The following ELFN2 variants were observed in gnomAD, a reference collection of about 807,000 sequenced individuals.
ELFN2 encodes the protein protein phosphatase 1 regulatory subunit 29.
A neutral mutation model predicts 45.5 loss-of-function variants in ELFN2; 17 were observed. That is an observed-to-expected ratio of 0.37 (90% confidence interval 0.26 to 0.56). The LOEUF (loss-of-function observed/expected upper bound fraction) is 0.56, where lower values mean the gene tolerates loss of function less well. ELFN2 is among the 20% of genes least tolerant of loss of function. ELFN2 has a pLI of 0.77. For synonymous variants in ELFN2, 550 were observed against 551.5 expected (o/e 1.00, Z 0.04); for missense variants, 922 against 1,183.2 (o/e 0.78, Z 3.24).
In ELFN2 at chr22:37,372,946, G is replaced by A. The variant is rs1193998594; in HGVS notation, c.*126C>T. On this transcript the variant is annotated 3_prime_UTR_variant, in exon 3 of 3. Coordinates refer to ENST00000402918, the MANE Select transcript of ELFN2 (RefSeq NM_052906.5). This position sits in a 1 kb window ranked among gnomAD's most constrained non-coding sequence, Gnocchi z 4.4. ...TGTGTGTGTGCGTGCGTGCGTGCGG[G>A]TCTGCATGTGCGTCCTCTCCTGGGC... is the stretch of plus-strand genomic sequence containing the variant. 4.7e-6 allele frequency: 5 copies of A among 1,072,538 alleles called. No homozygotes were observed. Among genetic ancestry groups the A allele is most frequent in the Middle Eastern group, 3.0e-4 (1 of 3,366 alleles). 66.4% of individuals were successfully genotyped at this position (1,072,538 alleles called of 1,614,324 possible).
At chr22:37,358,137 G>A (rs1930994110) in intron 1 of ELFN2, among the ~76,000 whole-genome samples, 1 of 152,092 alleles carries the variant, frequency 6.6e-6, no homozygotes, top group Non-Finnish European at 1.5e-5. Flanking sequence ...GCCAGTACGG[G>A]AGAGCACAGA....
intron 1 of ELFN2, chr22:37,352,228 C>T (rs1027766338): frequency 6.6e-6 from 1 of 150,958 alleles, no homozygotes; most frequent in Admixed American, 6.6e-5. Flanking sequence ...TACTCTTCAC[C>T]CAGGTACTAA....
chr22:37,398,477 C>T (rs1932277298), intron 2 of ELFN2, among the ~76,000 whole-genome samples: 1 of 152,068 alleles, frequency 6.6e-6, no homozygotes, highest in Non-Finnish European at 1.5e-5. Context: ...CTGTCCGGCC[C>T]CTTCCCCCTA....
chr22:37,366,643 CA>C (rs1931213198), downstream of ELFN2, among the ~76,000 whole-genome samples: 1 of 152,244 alleles, frequency 6.6e-6, no homozygotes, highest in Non-Finnish European at 1.5e-5. Context: ...CCTGAGGGGA[CA>C]GAGCCTGTCA....
chr22:37,406,208 G>A (rs574601184), intron 2 of ELFN2, among the ~76,000 whole-genome samples: 63 of 152,272 alleles, frequency 4.1e-4, no homozygotes, highest in Middle Eastern at 3.4e-3. Context: ...CCATTGTCCC[G>A]AGGGCTGAAC....
intron 1 of ELFN2, among the ~76,000 whole-genome samples, chr22:37,355,771 G>T (rs1476667179): frequency 6.6e-6 from 1 of 152,182 alleles, no homozygotes; most frequent in Non-Finnish European, 1.5e-5. Context: ...AGCAAGAGAG[G>T]TTGCCTTTGT....
At chr22:37,396,434 C>G (rs932900905) in intron 2 of ELFN2, among the ~76,000 whole-genome samples, 2 of 152,226 alleles carry the variant, frequency 1.3e-5, no homozygotes, top group African/African-American at 4.8e-5. Context: ...CATTTCCAAA[C>G]CCCAGGAGCA....
chr22:37,374,812 G>A lies in ELFN2; in HGVS notation c.723C>T (p.Leu241=), dbSNP rs535558406. The change falls in exon 3 of 3, where the codon CTC becomes CTT. Residue 241 remains leucine, a synonymous_variant. Transcript: ENST00000402918. ...PYHSLNAITV[L]QAKCRNGSLP... is the part of the protein sequence containing the mutation. ...GCGAGCCATTCCGACACTTGGCCTG[G>A]AGTACGGTGATGGCGTTGAGGCTGT... 6.2e-7 allele frequency: 1 copy of A among 1,607,320 alleles called. No homozygotes were observed. Among genetic ancestry groups the A allele is most frequent in the Non-Finnish European group, 8.5e-7 (1 of 1,179,760 alleles).
chr22:37,377,142 G>A (rs1272668686), intron 2 of ELFN2, among the ~76,000 whole-genome samples: 1 of 152,248 alleles, frequency 6.6e-6, no homozygotes, highest in Non-Finnish European at 1.5e-5. Context: ...CAGAAGGGCA[G>A]GGGAGGCACC....
In ELFN2 at chr22:37,373,304, G is replaced by C. The variant is rs766741566; in HGVS notation, c.2231C>G (p.Ser744Trp). The stretch of plus-strand genomic sequence containing the variant: ...GTAGTAGTGTCTGGGGGAGAGCTGC[G>C]AGTAGGTGGAGTCACGCTTGGAGCG... ...LTRSKRDSTY[S>W]QLSPRHYYSG... is the part of the protein sequence containing the mutation. The change falls in exon 3 of 3, where the codon TCG becomes TGG. Residue 744 changes from serine (S) to tryptophan (W), a missense_variant. Coordinates refer to ENST00000402918, the MANE Select transcript of ELFN2 (RefSeq NM_052906.5). 1 of 1,613,742 alleles carries C rather than the reference G, an allele frequency of 6.2e-7. No homozygotes were observed. Among genetic ancestry groups the C allele is most frequent in the Non-Finnish European group, 8.5e-7 (1 of 1,180,006 alleles).
chr22:37,374,844 G>T lies in ELFN2; in HGVS notation c.691C>A (p.Pro231Thr), dbSNP rs1328315167. 5 of 1,607,480 alleles carry T rather than the reference G, an allele frequency of 3.1e-6. No homozygotes were observed. In the South Asian group the frequency reaches 4.4e-5, roughly 14 times the overall value. Residue 231 changes from proline to threonine, a missense_variant, in exon 3 of 3, where the codon CCC (proline) becomes ACC (threonine). Physicochemically the swap from Pro to Thr is conservative, Grantham distance 38. Around this residue, in one of 2 missense-constraint regions of ELFN2, gnomAD observed 358 missense variants for 540.4 expected, o/e 0.66. Coordinates refer to ENST00000402918, the MANE Select transcript of ELFN2 (RefSeq NM_052906.5). ...GTGATGGCGTTGAGGCTGTGGTAGGGCCGGGGCACCAGCAGCGGGTAGCCG... is the reference window on the plus strand; with the variant it reads ...GTGATGGCGTTGAGGCTGTGGTAGGTCCGGGGCACCAGCAGCGGGTAGCCG... ...FAGYPLLVPR[P>T]YHSLNAITVL...
chr22:37,405,088 GC>G (rs1932461785), intron 2 of ELFN2, among the ~76,000 whole-genome samples: 4 of 85,812 alleles, frequency 4.7e-5, no homozygotes, highest in African/African-American at 1.6e-4. Context: ...CTGAACCTCA[GC>G]ATTTTTTTTT....
intron 2 of ELFN2, among the ~76,000 whole-genome samples, chr22:37,393,864 G>T (rs1932143607): frequency 6.6e-6 from 1 of 152,186 alleles, no homozygotes. Flanking sequence ...GGAGCTGCAG[G>T]CGACACGGAA....
chr22:37,404,610 C>T (rs1932449514), intron 2 of ELFN2, among the ~76,000 whole-genome samples: 1 of 152,158 alleles, frequency 6.6e-6, no homozygotes, highest in Admixed American at 6.5e-5. Flanking sequence ...CACGCAATGT[C>T]CTACAGCCAG....
In ELFN2 at chr22:37,374,522, G is replaced by A; in HGVS notation, c.1013C>T (p.Thr338Ile). The A allele has an allele frequency of 6.2e-7, 1 of 1,614,264 alleles. No individual in the cohort carries two copies. Among genetic ancestry groups the A allele is most frequent in the Non-Finnish European group, 8.5e-7 (1 of 1,180,044 alleles). ...CACGATCTCCTTCTTGTTCTTGAGGGTCATGACGTCGGAGAAGTAGCTGTT... is the reference window on the plus strand; with the variant it reads ...CACGATCTCCTTCTTGTTCTTGAGGATCATGACGTCGGAGAAGTAGCTGTT... Reference protein sequence around the residue: ...YNNSYFSDVMTLKNKKEIVTL... With the variant: ...YNNSYFSDVMILKNKKEIVTL... Residue 338 changes from threonine to isoleucine, a missense_variant, in exon 3 of 3, where the codon ACC (threonine) becomes ATC (isoleucine). Physicochemically the swap from Thr to Ile is moderately conservative, Grantham distance 89. Transcript: ENST00000402918.
Position 37,375,484 on chromosome 22 carries a change from C to A in ELFN2, c.51G>T (p.Pro17=). 1 of 1,595,568 alleles carries A rather than the reference C, an allele frequency of 6.3e-7. No homozygotes were observed. Residue 17 remains proline, a synonymous_variant, in exon 3 of 3, where the codon CCG becomes CCT. Coordinates refer to ENST00000402918, the MANE Select transcript of ELFN2 (RefSeq NM_052906.5). ...CAAALLCVCR[P]GAVRADCWLI... ...GCCAGCAGTCGGCACGCACGGCACC[C>A]GGCCGGCACACGCACAGCAGCGCCG...
chr22:37,396,408 A>G (rs908560909), intron 2 of ELFN2, among the ~76,000 whole-genome samples: 1 of 152,068 alleles, frequency 6.6e-6, no homozygotes, highest in African/African-American at 2.4e-5. Flanking sequence ...GCAGAAGCCA[A>G]CTCTGTTAGC....
chr22:37,376,314 CTGG>C (rs1931585709), intron 2 of ELFN2, among the ~76,000 whole-genome samples: 1 of 152,060 alleles, frequency 6.6e-6, no homozygotes, highest in African/African-American at 2.4e-5. Context: ...CCCCAGCACC[CTGG>C]AGGCCATGCT....
At chr22:37,378,282 A>G (rs1601748720) in intron 2 of ELFN2, among the ~76,000 whole-genome samples, 1 of 152,198 alleles carries the variant, frequency 6.6e-6, no homozygotes, top group African/African-American at 2.4e-5. Context: ...TATAGTTGGC[A>G]TGTTTAAGTA....
Sources: gnomAD v4.1 joint callset for allele counts (sites outside exome capture counted in the v4.1 genomes callset) on GRCh38, gnomAD v4.1.1 for gene constraint, gnomAD v4.1.1 regional missense constraint, Gnocchi (gnomAD v3.1) non-coding constraint, MANE v1.5 for transcripts, NCBI Gene and HGNC (gene_info 2026-07-23, HGNC 2026-07-21) for gene names.